CCDC141: variants seen among roughly 807,000 people sequenced by gnomAD.
CCDC141 encodes the protein coiled-coil domain-containing protein 141.
A neutral mutation model predicts 181.0 loss-of-function variants in CCDC141; 168 were observed. The ratio of observed to expected loss-of-function variants is 0.93; its 90% CI spans 0.82 to 1.05. CCDC141 has a LOEUF of 1.05. Ranked by LOEUF, CCDC141 falls within the 50% of genes least tolerant of loss-of-function variation. The pLI is 0.00. For missense variants in CCDC141, 1,902 were observed against 1,788.5 expected, an observed-to-expected ratio of 1.06 and a Z score of -1.14; for synonymous variants, 666 against 642.3, an observed-to-expected ratio of 1.04 and a Z score of -0.56.
the CCDC141 span, chr2:178,817,733 C>T: frequency 3.0e-5 from 9 of 304,636 alleles, no homozygotes; most frequent in Non-Finnish European, 4.6e-5. Context: ...GTAATATTTT[C>T]GTTCTCTTTT....
At chr2:178,989,829 TAAAAAA>T (rs71023463) in intron 2 of CCDC141, among the ~76,000 whole-genome samples, 2 of 81,398 alleles carry the variant, frequency 2.5e-5, no homozygotes, top group African/African-American at 4.9e-5. Context: ...GCTATAATCT[TAAAAAA>T]AAAAAAAAAA....
At chr2:178,968,821 CA>C (rs1373686712) in intron 4 of CCDC141, among the ~76,000 whole-genome samples, 2 of 151,476 alleles carry the variant, frequency 1.3e-5, no homozygotes, top group Non-Finnish European at 3.0e-5. Flanking sequence ...AAAAGATCAA[CA>C]AAACAGACCG....
chr2:178,928,008 A>G (rs1396844278), intron 6 of CCDC141, among the ~76,000 whole-genome samples: 1 of 152,248 alleles, frequency 6.6e-6, no homozygotes, highest in African/African-American at 2.4e-5. Flanking sequence ...GGGAATTAAC[A>G]GATGATAAAT....
intron 4 of CCDC141, 34 bp downstream of exon 4, chr2:178,975,023 A>G (rs1691057959): frequency 8.9e-7 from 1 of 1,117,454 alleles, no homozygotes; most frequent in East Asian, 2.6e-5. Flanking sequence ...TAAAACCTCT[A>G]AACACTTCTG....
intron 2 of CCDC141, among the ~76,000 whole-genome samples, chr2:179,016,625 C>A (rs1423227033): frequency 6.6e-6 from 1 of 152,134 alleles, no homozygotes; most frequent in Admixed American, 6.6e-5. Flanking sequence ...CTTTTACTAA[C>A]TATTGAGTGA....
chr2:178,881,900 C>CTCTCTG (rs1209311388), intron 11 of CCDC141, among the ~76,000 whole-genome samples: 2 of 98,710 alleles, frequency 2.0e-5, no homozygotes, highest in African/African-American at 8.0e-5. Flanking sequence ...GTCTCTCTCT[C>CTCTCTG]TCTCTCTCTC....
chr2:178,829,094 A>G (rs548632361), downstream of CCDC141, among the ~76,000 whole-genome samples: 1 of 152,312 alleles, frequency 6.6e-6, no homozygotes, highest in South Asian at 2.1e-4. Flanking sequence ...ATGTTATGTA[A>G]CTATTATTGT....
At chr2:178,822,724 G>T in the CCDC141 span, among the ~76,000 whole-genome samples, 1 of 152,150 alleles carries the variant, frequency 6.6e-6, no homozygotes. Flanking sequence ...AACATCAATG[G>T]AGGGCCGTTT....
intron 15 of CCDC141, 26 bp from the exon 16 acceptor site, chr2:178,868,231 A>T: frequency 6.3e-7 from 1 of 1,579,392 alleles, no homozygotes; most frequent in Non-Finnish European, 8.7e-7. Context: ...TTAACAATTA[A>T]CCTGGGTTTT....
chr2:179,032,801 G>T (rs938878103), intron 2 of CCDC141, among the ~76,000 whole-genome samples: 1 of 150,490 alleles, frequency 6.6e-6, no homozygotes, highest in Non-Finnish European at 1.5e-5. Context: ...AAGGACCTAA[G>T]TTTCAAATAT....
At chr2:178,915,193 G>A (rs1462684097) in intron 7 of CCDC141, among the ~76,000 whole-genome samples, 3 of 151,540 alleles carry the variant, frequency 2.0e-5, no homozygotes, top group African/African-American at 7.3e-5. Flanking sequence ...AAAAAAGAAA[G>A]AAAGAAAATG....
chr2:178,968,817 T>G (rs1690749168), intron 4 of CCDC141, among the ~76,000 whole-genome samples: 2 of 151,354 alleles, frequency 1.3e-5, no homozygotes, highest in Admixed American at 6.6e-5. Flanking sequence ...TTTGAAAAGA[T>G]CAACAAAACA....
At chr2:179,037,372 G>A (rs968792874) in intron 2 of CCDC141, among the ~76,000 whole-genome samples, 3 of 152,194 alleles carry the variant, frequency 2.0e-5, no homozygotes, top group African/African-American at 7.2e-5. Flanking sequence ...TAAGCATTTA[G>A]AGAAAAACAC....
At chr2:179,028,535 TG>T (rs1216507797) in intron 2 of CCDC141, among the ~76,000 whole-genome samples, 2 of 152,210 alleles carry the variant, frequency 1.3e-5, no homozygotes, top group Admixed American at 1.3e-4. Context: ...ACCTCCAATC[TG>T]CCAATATAAA....
intron 2 of CCDC141, among the ~76,000 whole-genome samples, chr2:179,019,719 A>G (rs9677408): frequency 0.029 from 4,401 of 152,098 alleles, 212 homozygotes; most frequent in African/African-American, 0.1. Context: ...CTCTTAGTCT[A>G]TTTTGCGGTG....
intron 5 of CCDC141, among the ~76,000 whole-genome samples, chr2:178,948,993 T>C (rs1164112683): frequency 6.6e-6 from 1 of 152,212 alleles, no homozygotes; most frequent in Non-Finnish European, 1.5e-5. Context: ...TAAAGGATGA[T>C]AGCTTTCGGG....
At chr2:178,990,414 CAA>C (rs1386740091) in intron 2 of CCDC141, among the ~76,000 whole-genome samples, 1 of 151,574 alleles carries the variant, frequency 6.6e-6, no homozygotes, top group Non-Finnish European at 1.5e-5. Flanking sequence ...TCACAATAGC[CAA>C]AAGACAGAAA....
At chr2:178,951,162 G>A (rs1208022166) in intron 5 of CCDC141, among the ~76,000 whole-genome samples, 1 of 152,192 alleles carries the variant, frequency 6.6e-6, no homozygotes, top group Admixed American at 6.5e-5. Flanking sequence ...AGGAAACAGA[G>A]CCCCATCCAG....
chr2:178,885,054 C>G lies in CCDC141; in HGVS notation c.1566G>C (p.Met522Ile). 6.5e-7 allele frequency: 1 copy of G among 1,550,270 alleles called. No individual in the cohort carries two copies. Among genetic ancestry groups the G allele is most frequent in the Non-Finnish European group, 8.7e-7 (1 of 1,146,744 alleles). ...SHELEAAAKTMMEKNEFVSDE... is the reference protein window; with the variant it reads ...SHELEAAAKTIMEKNEFVSDE... ...CAGATACAAATTCATTTTTCTCCAT[C>G]ATGGTTTTTGCAGCTGCTTCTAATT... Residue 522 changes from methionine (M) to isoleucine (I), a missense_variant, in exon 11 of 24, where the codon ATG becomes ATC. Coordinates refer to ENST00000443758, the MANE Select transcript of CCDC141 (RefSeq NM_173648.4).
Sources: gnomAD v4.1 joint callset for allele counts (sites outside exome capture counted in the v4.1 genomes callset) on GRCh38, gnomAD v4.1.1 for gene constraint, MANE v1.5 for transcripts, NCBI Gene and HGNC (gene_info 2026-07-23, HGNC 2026-07-21) for gene names.